USP35: variants seen among roughly 807,000 people sequenced by gnomAD.
The protein encoded by USP35 is ubiquitin carboxyl-terminal hydrolase 35.
Under a neutral mutation model 83.8 loss-of-function variants are expected in USP35, and 69 were observed. The ratio of observed to expected loss-of-function variants is 0.82; its 90% CI spans 0.68 to 1.01. USP35 has a LOEUF of 1.01. Ranked by LOEUF, USP35 falls within the 50% of genes least tolerant of loss-of-function variation. The pLI, the probability that USP35 is intolerant of heterozygous loss-of-function variation, is 0.00. For missense variants in USP35, 1,503 were observed against 1,362.5 expected (o/e 1.10, Z -1.62); for synonymous variants, 714 against 589.5 (o/e 1.21, Z -3.06).
chr11:78,214,114 A>G lies in USP35; in HGVS notation c.*301A>G. ...TTCCCTAGCAGGCTCCCCATGCGGG[A>G]AGATCTGATGATGTTCAGGAAACAG... On this transcript the variant is annotated 3_prime_UTR_variant, in exon 11 of 11. Transcript: ENST00000529308. The G allele has an allele frequency of 3.2e-6, 1 of 308,372 alleles. No individual in the cohort carries two copies. Among genetic ancestry groups the G allele is most frequent in the Non-Finnish European group, 5.9e-6 (1 of 168,904 alleles). The allele number at this position is 308,372 out of a possible 1,614,324, so 19.1% of individuals were successfully genotyped here.
downstream of USP35, among the ~76,000 whole-genome samples, chr11:78,220,033 T>C (rs1158960985): frequency 6.6e-6 from 1 of 152,058 alleles, no homozygotes; most frequent in Admixed American, 6.5e-5. Context: ...TTTGTAACCT[T>C]AGGACAATCA....
chr11:78,215,275 G>A (rs1470023570), downstream of USP35: 3 of 152,560 alleles, frequency 2.0e-5, no homozygotes, highest in Non-Finnish European at 2.9e-5. Flanking sequence ...CTCAAGACAA[G>A]ATGGACACGG....
intron 1 of USP35, among the ~76,000 whole-genome samples, chr11:78,191,689 C>A (rs1007012478): frequency 4.6e-5 from 7 of 151,992 alleles, no homozygotes; most frequent in Admixed American, 2.6e-4. Flanking sequence ...CTGGGAACAC[C>A]GAAGTGGCAG....
chr11:78,190,407 C>A (rs146031008), intron 1 of USP35, among the ~76,000 whole-genome samples: 227 of 152,276 alleles, frequency 1.5e-3, no homozygotes, highest in Non-Finnish European at 2.6e-3. Flanking sequence ...CAGGCCTGGG[C>A]AAAGGAGGGG....
chr11:78,213,530 T>C, intron 10 of USP35, 116 bp from the exon 11 acceptor site: 1 of 1,223,110 alleles, frequency 8.2e-7, no homozygotes, highest in Non-Finnish European at 1.1e-6. Context: ...AATGTCTCTG[T>C]GTGTCCAGGC....
rs1226909619 is a variant in USP35, at chr11:78,213,733, A to G, written c.2977A>G (p.Lys993Glu). 3 of 1,537,884 alleles carry G rather than the reference A, an allele frequency of 2.0e-6. No individual in the cohort carries two copies. The African/African-American group carries it at 4.3e-5, about 22-fold the overall frequency. The change falls in exon 11 of 11, where the codon AAG becomes GAG. Residue 993 changes from lysine to glutamate, a missense_variant. Coordinates refer to ENST00000529308, the MANE Select transcript of USP35 (RefSeq NM_020798.4). Reference sequence around the variant, plus strand: ...CTGGGGGAGGGGCTTTGATGAAGACAAGGATGAGGATGAAGGCTCTCCAGG... The same window carrying G: ...CTGGGGGAGGGGCTTTGATGAAGACGAGGATGAGGATGAAGGCTCTCCAGG... ...PHWGRGFDEDKDEDEGSPGGC... is the reference protein window; with the variant it reads ...PHWGRGFDEDEDEDEGSPGGC...
chr11:78,213,925 T>TAGTCCTCAGCCTGATGAAGGGTACACAGA lies in USP35; in HGVS notation c.*113_*141dup, dbSNP rs1176826546. The TAGTCCTCAGCCTGATGAAGGGTACACAGA allele has an allele frequency of 2.9e-5, 36 of 1,247,132 alleles. No homozygotes were observed. Among genetic ancestry groups the TAGTCCTCAGCCTGATGAAGGGTACACAGA allele is most frequent in the Non-Finnish European group, 3.7e-5 (34 of 927,722 alleles). 77.3% of individuals were successfully genotyped at this position (1,247,132 alleles called of 1,614,324 possible). On this transcript the variant is annotated 3_prime_UTR_variant, in exon 11 of 11. Coordinates refer to ENST00000529308, the MANE Select transcript of USP35 (RefSeq NM_020798.4). ...AAGGATGGTACAGCTCATGGCACCTTAGTCCTCAGCCTGATGAAGGGTACA... is the reference window on the plus strand; with the variant it reads ...AAGGATGGTACAGCTCATGGCACCTTAGTCCTCAGCCTGATGAAGGGTACACAGAAGTCCTCAGCCTGATGAAGGGTACA...
At chr11:78,201,998 A>G (rs73507229) in intron 6 of USP35, among the ~76,000 whole-genome samples, 8,471 of 152,312 alleles carry the variant, frequency 0.056, 675 homozygotes, top group African/African-American at 0.18. Flanking sequence ...TGCTTGTTAA[A>G]ATATAACAAA....
Position 78,213,629 on chromosome 11 carries a change from C to A in USP35, c.2890-17C>A. On this transcript the variant is annotated splice_polypyrimidine_tract_variant and intron_variant, in intron 10 of 10. Transcript: ENST00000529308. ...TGTGAATTCTAAGTCTAAGTCTCCT[C>A]TCATCTGTGTTCCCAGGAGCAGGAG... is the stretch of plus-strand genomic sequence containing the variant. 2 of 1,469,050 alleles carry A rather than the reference C, an allele frequency of 1.4e-6. No homozygotes were observed. Among genetic ancestry groups the A allele is most frequent in the South Asian group, 1.5e-5 (1 of 66,612 alleles). 91.0% of individuals were successfully genotyped at this position (1,469,050 alleles called of 1,614,324 possible).
At chr11:78,225,110 G>A in the USP35 span, 1 of 1,607,656 alleles carries the variant, frequency 6.2e-7, no homozygotes, top group African/African-American at 1.3e-5. Flanking sequence ...ACACTCACCA[G>A]GAAAGAGCCA....
the USP35 span, among the ~76,000 whole-genome samples, chr11:78,225,362 G>T: frequency 3.9e-5 from 6 of 152,160 alleles, no homozygotes; most frequent in African/African-American, 1.4e-4. Context: ...TCACTCCTCA[G>T]TTCAAAAATT....
chr11:78,207,326 A>T lies in USP35; in HGVS notation c.1392-204A>T, dbSNP rs954964413. 4 of 564,378 alleles carry T rather than the reference A, an allele frequency of 7.1e-6. No individual in the cohort carries two copies. In the Admixed American group the frequency reaches 1.2e-4, roughly 17 times the overall value. The allele number at this position is 564,378 out of a possible 1,614,324, so 35.0% of individuals were successfully genotyped here. A position where few individuals can be genotyped will look rare whatever the true frequency, so the allele number is the denominator to read the frequency against. ...ACCCTTCATTGTCTAAAACATGTCT[A>T]TTGTTGTGTTCCTGACCTCAGATAC... On this transcript the variant is annotated intron_variant, in intron 7 of 10. Coordinates refer to ENST00000529308, the MANE Select transcript of USP35 (RefSeq NM_020798.4).
the USP35 span, chr11:78,223,365 T>TC: frequency 7.0e-7 from 1 of 1,425,600 alleles, no homozygotes; most frequent in Middle Eastern, 1.9e-4. Context: ...ATGGAAAGAG[T>TC]CCCTAGCCAC....
At chr11:78,193,141 C>A (rs963038749) in intron 1 of USP35, among the ~76,000 whole-genome samples, 2 of 152,094 alleles carry the variant, frequency 1.3e-5, no homozygotes, top group African/African-American at 4.8e-5. Context: ...TGCCTTGTCA[C>A]GGGCACTGCC....
chr11:78,213,990 T>TTTCA lies in USP35; in HGVS notation c.*180_*183dup, dbSNP rs1863936323. On this transcript the variant is annotated 3_prime_UTR_variant, in exon 11 of 11. Coordinates refer to ENST00000529308, the MANE Select transcript of USP35 (RefSeq NM_020798.4). Reference sequence around the variant, plus strand: ...GATATGGAAGTAAGACCTAAGTCCCTTTCATTGGGGATCAGTCCCATTAAA... The same window carrying TTTCA: ...GATATGGAAGTAAGACCTAAGTCCCTTTCATTCATTGGGGATCAGTCCCATTAAA... 2.3e-5 allele frequency: 15 copies of TTTCA among 656,718 alleles called. No homozygotes were observed. In the East Asian group the frequency reaches 4.9e-4, roughly 21 times the overall value. 40.7% of individuals were successfully genotyped at this position (656,718 alleles called of 1,614,324 possible).
the USP35 span, among the ~76,000 whole-genome samples, chr11:78,233,518 TCTTA>T: frequency 1.3e-5 from 2 of 152,252 alleles, no homozygotes; most frequent in African/African-American, 2.4e-5. Flanking sequence ...ATTGCTCTCT[TCTTA>T]CTGAGTTGTA....
At chr11:78,212,412 T>A (rs1480990432) in intron 10 of USP35, among the ~76,000 whole-genome samples, 1 of 152,168 alleles carries the variant, frequency 6.6e-6, no homozygotes, top group Non-Finnish European at 1.5e-5. Context: ...AGGATGGTCT[T>A]GGCTATATGG....
rs1238011723 is a variant in USP35 at position 78,214,971 on chromosome 11, T to C, written c.*1158T>C. Among the ~76,000 whole-genome samples the C allele has an allele frequency of 6.6e-6, 1 of 152,142 alleles. No homozygotes were observed. The highest frequency in any genetic ancestry group is 1.5e-5 in the Non-Finnish European group (1 of 67,968). On this transcript the variant is annotated 3_prime_UTR_variant, in exon 11 of 11. Coordinates refer to ENST00000529308, the MANE Select transcript of USP35 (RefSeq NM_020798.4). ...GCTCTCAAGCCTTTACCTACCTCCT[T>C]CCCCAGGGGCTGCCTGCTGTGATGG... is the stretch of plus-strand genomic sequence containing the variant.
rs1863964613 is a variant in USP35, at chr11:78,214,237, G to GC, written c.*424_*425insC. The GC allele has an allele frequency of 7.0e-6, 1 of 142,960 alleles. No homozygotes were observed. Among genetic ancestry groups the GC allele is most frequent in the African/African-American group, 2.9e-5 (1 of 34,846 alleles). 8.9% of individuals were successfully genotyped at this position (142,960 alleles called of 1,614,324 possible). ...GCAGGATCCAAGCCTTGCACAAAGG[G>GC]GTGGGGGGGGCAGTGTCTCCTCTGG... On this transcript the variant is annotated 3_prime_UTR_variant, in exon 11 of 11. Transcript: ENST00000529308.
Sources: allele counts gnomAD v4.1 joint callset (sites outside exome capture counted in the v4.1 genomes callset), GRCh38; gene constraint gnomAD v4.1.1; transcripts MANE v1.5; gene names NCBI Gene and HGNC (gene_info 2026-07-23, HGNC 2026-07-21).